The following PPP2R3A variants were observed in gnomAD, a reference collection of about 807,000 sequenced individuals.
PPP2R3A encodes serine/threonine-protein phosphatase 2A regulatory subunit B'' subunit alpha.
In PPP2R3A, 80 loss-of-function variants were observed where a neutral mutation model predicts 106.9. That is an observed-to-expected ratio of 0.75 (90% CI 0.62 to 0.90). The LOEUF is 0.90. Ranked by LOEUF, PPP2R3A falls within the 40% of genes least tolerant of loss-of-function variation. PPP2R3A has a pLI of 0.00. For synonymous variants in PPP2R3A, 483 were observed against 468.3 expected (o/e 1.03, Z -0.41); for missense variants, 1,386 against 1,350.4 (o/e 1.03, Z -0.41).
chr3:136,103,551 G>A (rs1937435842), intron 12 of PPP2R3A, among the ~76,000 whole-genome samples, 175 bp downstream of exon 12: 1 of 152,114 alleles, frequency 6.6e-6, no homozygotes, highest in South Asian at 2.1e-4. Flanking sequence ...TCTCTCCACA[G>A]CCGATCGTCA....
chr3:136,121,875 C>G (rs990404161), intron 13 of PPP2R3A, among the ~76,000 whole-genome samples: 1 of 152,136 alleles, frequency 6.6e-6, no homozygotes, highest in Non-Finnish European at 1.5e-5. Flanking sequence ...ACTTGATTAT[C>G]TAACAGAAGT....
chr3:136,040,238 G>A (rs906574901), intron 3 of PPP2R3A, among the ~76,000 whole-genome samples: 1 of 152,206 alleles, frequency 6.6e-6, no homozygotes, highest in Non-Finnish European at 1.5e-5. Context: ...CTAGAAGGTA[G>A]TAAATTTATA....
chr3:136,117,183 A>T (rs1445066647), intron 13 of PPP2R3A, among the ~76,000 whole-genome samples: 1 of 152,236 alleles, frequency 6.6e-6, no homozygotes, highest in Admixed American at 6.5e-5. Context: ...TGTTCTTTGA[A>T]ACCAATGAGA....
rs1329893662 is a variant in PPP2R3A, at chr3:136,087,887, A to G, written c.2793A>G (p.Ser931=). ...TTTTTTTTTATCTACATTTAGCTTCATCAAGCAGGATTATTGAAAGGATAT... is the reference window on the plus strand; with the variant it reads ...TTTTTTTTTATCTACATTTAGCTTCGTCAAGCAGGATTATTGAAAGGATAT... The part of the protein sequence containing the change: ...ADLSRYNDQA[S]SSRIIERIFS... Residue 931 remains serine, a synonymous_variant, in exon 9 of 14, where the codon TCA becomes TCG. Transcript: ENST00000264977. The G allele has an allele frequency of 3.1e-6, 5 of 1,609,348 alleles. 1 individual carries two copies. The highest frequency in any genetic ancestry group is 4.2e-6 in the Non-Finnish European group (5 of 1,176,790).
intron 3 of PPP2R3A, among the ~76,000 whole-genome samples, chr3:136,029,652 A>C (rs1358975291): frequency 1.3e-5 from 2 of 152,244 alleles, no homozygotes; most frequent in Non-Finnish European, 2.9e-5. Flanking sequence ...AAGTTTAAAA[A>C]GATAGAAAAC....
intron 13 of PPP2R3A, among the ~76,000 whole-genome samples, chr3:136,133,351 AAGG>A (rs1357016406): frequency 2.0e-5 from 3 of 152,160 alleles, no homozygotes; most frequent in African/African-American, 4.8e-5. Context: ...ACACACTAAA[AAGG>A]AGGTACAAAC....
chr3:135,992,925 G>A (rs148803580), intron 1 of PPP2R3A, among the ~76,000 whole-genome samples: 34 of 152,256 alleles, frequency 2.2e-4, no homozygotes, highest in Non-Finnish European at 4.3e-4. Context: ...ATTTTCAAAG[G>A]GCAGGTGGAG....
In PPP2R3A at chr3:136,016,155, A is replaced by G. The variant is rs371664872; in HGVS notation, c.1996-10677A>G. On this transcript the variant is annotated intron_variant, in intron 2 of 13. Coordinates refer to ENST00000264977, the MANE Select transcript of PPP2R3A (RefSeq NM_002718.5). Reference sequence around the variant, plus strand: ...GGGTTCCTTTTGGAGTCGATTTCCAATTTTATTCCACTTTGGTCTGAGAAA... The same window carrying G: ...GGGTTCCTTTTGGAGTCGATTTCCAGTTTTATTCCACTTTGGTCTGAGAAA... Among the ~76,000 whole-genome samples, 147 of 152,104 alleles carry G rather than the reference A, an allele frequency of 9.7e-4. No homozygotes were observed. In the South Asian group the frequency reaches 0.013, roughly 14 times the overall value.
intron 8 of PPP2R3A, among the ~76,000 whole-genome samples, chr3:136,086,034 A>G (rs976286752): frequency 1.3e-5 from 2 of 151,854 alleles, no homozygotes; most frequent in Non-Finnish European, 2.9e-5. Context: ...GGAGGCTGAG[A>G]TGGGAGGATC....
chr3:136,046,272 G>A (rs946698923), intron 4 of PPP2R3A, among the ~76,000 whole-genome samples: 6 of 152,126 alleles, frequency 3.9e-5, no homozygotes, highest in Admixed American at 3.3e-4. Flanking sequence ...GGCCAACATG[G>A]TGAAACCCCA....
chr3:136,136,792 C>CA (rs1371670289), intron 13 of PPP2R3A, among the ~76,000 whole-genome samples: 1 of 152,188 alleles, frequency 6.6e-6, no homozygotes, highest in Non-Finnish European at 1.5e-5. Context: ...CATCTAACAA[C>CA]AATCACAGGT....
intron 1 of PPP2R3A, among the ~76,000 whole-genome samples, chr3:135,994,618 G>T (rs1036304164): frequency 4.6e-5 from 7 of 152,064 alleles, no homozygotes; most frequent in African/African-American, 1.7e-4. Context: ...TCTCTTTTCT[G>T]TCTTCATCTG....
chr3:136,036,334 T>C (rs567321758), intron 3 of PPP2R3A, among the ~76,000 whole-genome samples: 1 of 152,290 alleles, frequency 6.6e-6, no homozygotes, highest in Non-Finnish European at 1.5e-5. Flanking sequence ...TGGTTCCTTC[T>C]CATATGGGTA....
At chr3:136,083,316 T>C (rs913835916) in intron 8 of PPP2R3A, among the ~76,000 whole-genome samples, 1 of 151,844 alleles carries the variant, frequency 6.6e-6, no homozygotes, top group Admixed American at 6.6e-5. Context: ...ATCATGGGAG[T>C]GGGTCTTTCC....
chr3:136,074,898 G>A (rs2107916584), intron 6 of PPP2R3A, among the ~76,000 whole-genome samples: 1 of 152,222 alleles, frequency 6.6e-6, no homozygotes, highest in African/African-American at 2.4e-5. Context: ...ATTTTTTAAA[G>A]TCCTAACTCT....
chr3:136,000,039 C>T lies in PPP2R3A; in HGVS notation c.-440-1020C>T, dbSNP rs1294690729. ...GGCCTTTGTACTTGCGGTTATTCTA[C>T]CCTGGAGGATTTACCTCATAATACC... On this transcript the variant is annotated intron_variant, in intron 1 of 13. Coordinates refer to ENST00000264977, the MANE Select transcript of PPP2R3A (RefSeq NM_002718.5). 2.6e-5 allele frequency among the ~76,000 whole-genome samples: 4 copies of T among 152,232 alleles called. No individual in the cohort carries two copies. The East Asian group carries it at 7.7e-4, about 29-fold the overall frequency.
At chr3:135,987,688 G>A (rs1932976158) in intron 1 of PPP2R3A, among the ~76,000 whole-genome samples, 1 of 151,900 alleles carries the variant, frequency 6.6e-6, no homozygotes, top group African/African-American at 2.4e-5. Flanking sequence ...TCCCTCTCTG[G>A]CCATTTTTTG....
chr3:136,134,251 C>G (rs1377001487), intron 13 of PPP2R3A, among the ~76,000 whole-genome samples: 3 of 152,154 alleles, frequency 2.0e-5, no homozygotes, highest in African/African-American at 7.2e-5. Flanking sequence ...TCAAACATTG[C>G]TGGTAAAAGC....
At chr3:135,987,729 C>T (rs954396818) in intron 1 of PPP2R3A, among the ~76,000 whole-genome samples, 22 of 89,992 alleles carry the variant, frequency 2.4e-4, no homozygotes, top group Admixed American at 6.8e-4. Context: ...TTCTTCAATT[C>T]GCCATACTCT....
Sources: gnomAD v4.1 joint callset for allele counts (sites outside exome capture counted in the v4.1 genomes callset) on GRCh38, gnomAD v4.1.1 for gene constraint, MANE v1.5 for transcripts, NCBI Gene and HGNC (gene_info 2026-07-23, HGNC 2026-07-21) for gene names.